Variants in STXBP6 observed in about 807,000 individuals in gnomAD.
The protein encoded by STXBP6 is syntaxin binding protein 6.
Under a neutral mutation model 26.9 loss-of-function variants are expected in STXBP6, and 21 were observed. The ratio of observed to expected loss-of-function variants is 0.78; its 90% CI spans 0.55 to 1.12. The LOEUF (loss-of-function observed/expected upper bound fraction) is 1.12. STXBP6 is among the 50% of genes most tolerant of loss of function. STXBP6 has a pLI of 0.00. For missense variants in STXBP6, 232 were observed against 257.9 expected (o/e 0.90, Z 0.69); for synonymous variants, 97 against 92.6 (o/e 1.05, Z -0.27).
Position 24,810,155 on chromosome 14 carries a change from G to A in STXBP6, c.*2554C>T, listed in dbSNP as rs2067779561. The A allele has an allele frequency of 6.6e-6, 1 of 152,190 alleles. No individual in the cohort carries two copies. Among genetic ancestry groups the A allele is most frequent in the African/African-American group, 2.4e-5 (1 of 41,456 alleles). The allele number at this position is 152,190 out of a possible 1,614,324, so 9.4% of individuals were successfully genotyped here. On this transcript the variant is annotated 3_prime_UTR_variant, in exon 6 of 6. Coordinates refer to ENST00000323944, the MANE Select transcript of STXBP6 (RefSeq NM_001394410.1). ...ACTGGAAAGTTTCTTTCCTTTTTGA[G>A]TTGTCTATACAATAAGTCCTTCACA...
At chr14:24,884,536 A>C (rs1437610782) in intron 2 of STXBP6, among the ~76,000 whole-genome samples, 2 of 152,116 alleles carry the variant, frequency 1.3e-5, no homozygotes, top group East Asian at 1.9e-4. Flanking sequence ...CAAACAAAAA[A>C]CCCAAAGCAC....
At chr14:24,979,135 A>C (rs1290629451) in intron 1 of STXBP6, among the ~76,000 whole-genome samples, 1 of 152,264 alleles carries the variant, frequency 6.6e-6, no homozygotes, top group Non-Finnish European at 1.5e-5. Context: ...CCATCTATTT[A>C]GCTTAATACT....
intron 1 of STXBP6, among the ~76,000 whole-genome samples, chr14:25,007,140 A>C (rs2074920206): frequency 6.6e-6 from 1 of 152,240 alleles, no homozygotes; most frequent in African/African-American, 2.4e-5. Flanking sequence ...GGGAAGATAC[A>C]TATGTGATTT....
chr14:24,981,612 A>G (rs190085752), intron 1 of STXBP6, among the ~76,000 whole-genome samples: 2 of 152,200 alleles, frequency 1.3e-5, no homozygotes, highest in East Asian at 3.9e-4. Flanking sequence ...AACACACCCA[A>G]TTGGTGCAAG....
chr14:24,963,870 T>C (rs1407799057), intron 2 of STXBP6, among the ~76,000 whole-genome samples: 1 of 146,262 alleles, frequency 6.8e-6, no homozygotes, highest in African/African-American at 2.6e-5. Context: ...ATTGGTCCAA[T>C]AGGTAGAATA....
intron 2 of STXBP6, among the ~76,000 whole-genome samples, chr14:24,919,116 C>T (rs368799453): frequency 5.9e-5 from 9 of 152,150 alleles, no homozygotes; most frequent in African/African-American, 1.4e-4. Flanking sequence ...TGAGATGTGT[C>T]GGAGCTGCCT....
At position 25,049,947 on chromosome 14, in the gene STXBP6, C is replaced by G. The variant is rs1292816707; in HGVS notation, c.-102G>C. On this transcript the variant is annotated 5_prime_UTR_variant, in exon 1 of 6. Transcript: ENST00000323944. The surrounding 1 kb of genome is among the most constrained non-coding windows in gnomAD (Gnocchi z 5.6). Reference sequence around the variant, plus strand: ...CGTCCCAGAGCACGAGGCTCCTCCCCGGGGGGCTGCCCCGCGCGGGGCTCC... The same window carrying G: ...CGTCCCAGAGCACGAGGCTCCTCCCGGGGGGGCTGCCCCGCGCGGGGCTCC... The G allele has an allele frequency of 1.1e-6, 1 of 912,548 alleles. No individual in the cohort carries two copies. The highest frequency in any genetic ancestry group is 1.2e-4 in the East Asian group (1 of 8,216). The allele number at this position is 912,548 out of a possible 1,614,324, so 56.5% of individuals were successfully genotyped here.
Position 25,049,473 on chromosome 14 carries a change from C to A in STXBP6, c.-33+405G>T. 1 of 985,296 alleles carries A rather than the reference C, an allele frequency of 1.0e-6. No individual in the cohort carries two copies. Among genetic ancestry groups the A allele is most frequent in the South Asian group, 4.7e-5 (1 of 21,284 alleles). 61.0% of individuals were successfully genotyped at this position (985,296 alleles called of 1,614,324 possible). On this transcript the variant is annotated intron_variant, in intron 1 of 5. Transcript: ENST00000323944. This position sits in a 1 kb window ranked among gnomAD's most constrained non-coding sequence, Gnocchi z 5.6. The stretch of plus-strand genomic sequence containing the variant: ...GCGCTCAAGCTAGAGGCGCAGCGAC[C>A]CCGAGCTCCCCCACACTGGGAGCCT...
chr14:24,882,821 T>C (rs2070423916), intron 2 of STXBP6, among the ~76,000 whole-genome samples: 1 of 152,218 alleles, frequency 6.6e-6, no homozygotes, highest in Non-Finnish European at 1.5e-5. Context: ...TCAGCTCCAC[T>C]TGATATGTAA....
At chr14:25,045,287 A>C (rs2075707805) in intron 1 of STXBP6, among the ~76,000 whole-genome samples, 1 of 152,140 alleles carries the variant, frequency 6.6e-6, no homozygotes, top group Admixed American at 6.5e-5. Context: ...AATGATGCCC[A>C]TGTTGAGAAT....
chr14:24,897,692 TC>T (rs1477392717), intron 2 of STXBP6, among the ~76,000 whole-genome samples: 3 of 152,204 alleles, frequency 2.0e-5, no homozygotes, highest in Admixed American at 2.0e-4. Context: ...GGATTATGGA[TC>T]TTCACAAACA....
intron 4 of STXBP6, among the ~76,000 whole-genome samples, chr14:24,852,837 A>G (rs1437311307): frequency 3.3e-5 from 5 of 152,260 alleles, no homozygotes; most frequent in South Asian, 2.1e-4. Context: ...GACAATGTCA[A>G]TGGTGTTTCC....
At chr14:24,931,282 T>A (rs181841362) in intron 2 of STXBP6, among the ~76,000 whole-genome samples, 1 of 151,662 alleles carries the variant, frequency 6.6e-6, no homozygotes, top group African/African-American at 2.4e-5. Context: ...ATATACCTAA[T>A]GTCAATGACG....
At chr14:25,040,186 C>T (rs933622887) in intron 1 of STXBP6, among the ~76,000 whole-genome samples, 2 of 152,178 alleles carry the variant, frequency 1.3e-5, no homozygotes, top group African/African-American at 4.8e-5. Context: ...TCACTCCCAG[C>T]CTGGGGCCAT....
At position 24,990,778 on chromosome 14, in the gene STXBP6, A is replaced by C. The variant is rs575018225; in HGVS notation, c.-32-15928T>G. ...TATGCAGAAAGAGGCTGAGAGAAGA[A>C]GGTTGATCACATACAAGCAAATGCC... On this transcript the variant is annotated intron_variant, in intron 1 of 5. Transcript: ENST00000323944. 5.8e-4 allele frequency among the ~76,000 whole-genome samples: 89 copies of C among 152,194 alleles called. 1 individual carries two copies. Among genetic ancestry groups the C allele is most frequent in the African/African-American group, 2.1e-3 (88 of 41,498 alleles).
chr14:24,962,653 T>G (rs1005671890), intron 2 of STXBP6, among the ~76,000 whole-genome samples: 1 of 152,120 alleles, frequency 6.6e-6, no homozygotes, highest in Non-Finnish European at 1.5e-5. Context: ...TGACAAGATA[T>G]TTTATTTTTA....
chr14:24,901,355 A>G (rs1387869741), intron 2 of STXBP6, among the ~76,000 whole-genome samples: 1 of 152,254 alleles, frequency 6.6e-6, no homozygotes, highest in East Asian at 1.9e-4. Flanking sequence ...CTCCCCCCCA[A>G]AAAAAGACTG....
chr14:24,828,438 T>G (rs985869852), intron 4 of STXBP6, among the ~76,000 whole-genome samples: 2 of 152,234 alleles, frequency 1.3e-5, no homozygotes, highest in East Asian at 3.9e-4. Context: ...AAAACAAAAT[T>G]GATTATAATT....
At chr14:24,914,167 G>C (rs12232232) in intron 2 of STXBP6, among the ~76,000 whole-genome samples, 29,176 of 151,992 alleles carry the variant, frequency 0.19, 2,945 homozygotes, top group African/African-American at 0.25. Context: ...AGCTGAGGTT[G>C]ACATATTTCT....
Sources: allele counts gnomAD v4.1 joint callset (sites outside exome capture counted in the v4.1 genomes callset), GRCh38; gene constraint gnomAD v4.1.1; non-coding constraint Gnocchi (gnomAD v3.1); transcripts MANE v1.5; gene names NCBI Gene and HGNC (gene_info 2026-07-23, HGNC 2026-07-21).